The following GLYATL2 variants were observed in gnomAD, a reference collection of about 807,000 sequenced individuals.
GLYATL2 encodes the protein glycine N-acyltransferase-like protein 2.
In GLYATL2, 25 loss-of-function variants were observed where a neutral mutation model predicts 21.4. The observed-to-expected ratio is 1.17, with a 90% CI of 0.85 to 1.63. GLYATL2 has a LOEUF of 1.63. GLYATL2 is among the 40% of genes most tolerant of loss of function. The probability of loss-of-function intolerance (pLI) is 0.00; values close to 1 mark genes in which losing one functional copy is unlikely to be tolerated. For missense variants in GLYATL2, 361 were observed against 343.3 expected, an observed-to-expected ratio of 1.05 and a Z score of -0.41; for synonymous variants, 114 against 118.2, an observed-to-expected ratio of 0.96 and a Z score of 0.23.
intron 1 of GLYATL2, among the ~76,000 whole-genome samples, chr11:58,891,281 A>G (rs773024125): frequency 6.6e-6 from 1 of 152,226 alleles, no homozygotes; most frequent in South Asian, 2.1e-4. Context: ...TGAGAAACAC[A>G]TACTGATCTT....
At chr11:58,862,060 C>CAAA (rs76901271) in intron 1 of GLYATL2, among the ~76,000 whole-genome samples, 101 of 21,880 alleles carry the variant, frequency 4.6e-3, no homozygotes, top group African/African-American at 6.7e-3. Flanking sequence ...AACAAACAAA[C>CAAA]AAAAAAAAAC....
chr11:58,885,498 C>A lies in GLYATL2; in HGVS notation n.60+18658G>T. The A allele has an allele frequency of 2.0e-5, 10 of 506,504 alleles. 1 individual carries two copies. Among genetic ancestry groups the A allele is most frequent in the South Asian group, 1.5e-4 (10 of 68,760 alleles). 31.4% of individuals were successfully genotyped at this position (506,504 alleles called of 1,614,324 possible). On this transcript the variant is annotated intron_variant and non_coding_transcript_variant, in intron 1 of 4. Coordinates refer to the GLYATL2 transcript ENST00000533636. ...TTCAACATGGAGGTGCTGGTGGACT[C>A]CTGGCCCGAGTATCAGATAGTTATT... is the stretch of plus-strand genomic sequence containing the variant.
intron 1 of GLYATL2, among the ~76,000 whole-genome samples, chr11:58,903,422 C>T (rs1447745279): frequency 6.6e-6 from 1 of 152,154 alleles, no homozygotes; most frequent in Non-Finnish European, 1.5e-5. Flanking sequence ...TCTGTAACCA[C>T]AGCACATTGG....
chr11:58,862,605 A>T (rs1423504457), intron 1 of GLYATL2, among the ~76,000 whole-genome samples: 1 of 152,180 alleles, frequency 6.6e-6, no homozygotes, highest in Non-Finnish European at 1.5e-5. Flanking sequence ...GAACTCTATG[A>T]AATTTTCAGT....
upstream of GLYATL2, chr11:58,905,687 A>C: frequency 3.3e-6 from 1 of 301,084 alleles, no homozygotes; most frequent in South Asian, 2.4e-5. Context: ...CTGTGGACCG[A>C]GTGGTTCGGG....
chr11:58,851,305 T>TG (rs1351814642), intron 1 of GLYATL2, among the ~76,000 whole-genome samples: 1 of 152,208 alleles, frequency 6.6e-6, no homozygotes, highest in African/African-American at 2.4e-5. Context: ...ACAGACCCTG[T>TG]GGGGCTGGCC....
In GLYATL2 at chr11:58,893,122, A is replaced by G. The variant is rs1854573770; in HGVS notation, n.60+11034T>C. On this transcript the variant is annotated intron_variant and non_coding_transcript_variant, in intron 1 of 4. Transcript: ENST00000533636. ...AAATGACAACTGGAGGCGAGGGAAG[A>G]ATGAGAGGAGCCTTCCTTACATCAA... The G allele has an allele frequency of 9.9e-6, 4 of 404,308 alleles. No individual in the cohort carries two copies. In the South Asian group the frequency reaches 2.1e-4, roughly 21 times the overall value. The allele number at this position is 404,308 out of a possible 1,614,324, so 25.0% of individuals were successfully genotyped here.
intron 1 of GLYATL2, among the ~76,000 whole-genome samples, chr11:58,876,174 T>C (rs1476617283): frequency 6.6e-6 from 1 of 152,232 alleles, no homozygotes; most frequent in Non-Finnish European, 1.5e-5. Context: ...CATTGGTTAT[T>C]CTAGTTATCC....
At position 58,834,320 on chromosome 11, in the gene GLYATL2, A is replaced by C. The variant is rs1474851672; in HGVS notation, c.*109T>G. ...TTAAGGGTGAGCTTAAGTAATACAC[A>C]GATCCTAGATAATCAGTTGCATTTT... On this transcript the variant is annotated 3_prime_UTR_variant, in exon 6 of 6. Coordinates refer to ENST00000287275, the MANE Select transcript of GLYATL2 (RefSeq NM_145016.4). The C allele has an allele frequency of 2.4e-6, 2 of 845,584 alleles. No homozygotes were observed. Among genetic ancestry groups the C allele is most frequent in the Non-Finnish European group, 1.8e-6 (1 of 557,262 alleles). The allele number at this position is 845,584 out of a possible 1,614,324, so 52.4% of individuals were successfully genotyped here.
intron 1 of GLYATL2, among the ~76,000 whole-genome samples, chr11:58,899,451 G>A (rs138999844): frequency 6.6e-6 from 1 of 152,010 alleles, no homozygotes; most frequent in Non-Finnish European, 1.5e-5. Flanking sequence ...TATAAACTCA[G>A]GTGTAGTATA....
chr11:58,862,502 T>A (rs919075142), intron 1 of GLYATL2, among the ~76,000 whole-genome samples: 1 of 152,180 alleles, frequency 6.6e-6, no homozygotes, highest in African/African-American at 2.4e-5. Context: ...TTTTCTCATT[T>A]TTTTCCTTTT....
Position 58,842,476 on chromosome 11 carries a change from C to CTGTG in GLYATL2, c.-41+1954_-41+1957dup, listed in dbSNP as rs34133004. 8.6e-3 allele frequency among the ~76,000 whole-genome samples: 1,156 copies of CTGTG among 134,820 alleles called. 7 individuals are homozygous for CTGTG. Among genetic ancestry groups the CTGTG allele is most frequent in the East Asian group, 0.02 (90 of 4,578 alleles). The allele number at this position is 134,820 out of a possible 152,430, so 88.4% of individuals were successfully genotyped here. On this transcript the variant is annotated intron_variant, in intron 1 of 5. Transcript: ENST00000287275. Reference sequence around the variant, plus strand: ...AAATTGTCCCAGGATGAGTGAGACTCTGTGTGTGTGTGTGTGTGTGTGTGT... The same window carrying CTGTG: ...AAATTGTCCCAGGATGAGTGAGACTCTGTGTGTGTGTGTGTGTGTGTGTGTGTGT...
intron 1 of GLYATL2, among the ~76,000 whole-genome samples, chr11:58,873,872 T>A (rs1854173295): frequency 6.6e-6 from 1 of 152,230 alleles, no homozygotes; most frequent in South Asian, 2.1e-4. Flanking sequence ...TACCAGCTCC[T>A]CCTTGTACTT....
At chr11:58,875,798 G>A (rs1449483618) in intron 1 of GLYATL2, among the ~76,000 whole-genome samples, 2 of 152,156 alleles carry the variant, frequency 1.3e-5, no homozygotes, top group Admixed American at 6.5e-5. Context: ...GAGTATATTT[G>A]TGGCATTCTC....
At chr11:58,856,642 T>G (rs1853832669) in intron 1 of GLYATL2, among the ~76,000 whole-genome samples, 1 of 152,080 alleles carries the variant, frequency 6.6e-6, no homozygotes, top group Non-Finnish European at 1.5e-5. Context: ...CAGGGAATAG[T>G]GAGGCTAGAG....
chr11:58,840,512 G>A (rs1464918315), intron 1 of GLYATL2, among the ~76,000 whole-genome samples: 1 of 152,050 alleles, frequency 6.6e-6, no homozygotes, highest in African/African-American at 2.4e-5. Flanking sequence ...GTGTTACAAA[G>A]TCAGGAAAAC....
At chr11:58,875,777 C>T (rs1854218508) in intron 1 of GLYATL2, among the ~76,000 whole-genome samples, 1 of 152,098 alleles carries the variant, frequency 6.6e-6, no homozygotes, top group Non-Finnish European at 1.5e-5. Flanking sequence ...ATTGGAGTTG[C>T]TCTTCTCGAG....
intron 1 of GLYATL2, among the ~76,000 whole-genome samples, chr11:58,872,170 G>T (rs566280623): frequency 1.5e-4 from 23 of 152,276 alleles, no homozygotes; most frequent in Admixed American, 3.9e-4. Context: ...GTTCATTGTA[G>T]ATTCTGGATA....
At chr11:58,851,409 G>T (rs1853739345) in intron 1 of GLYATL2, among the ~76,000 whole-genome samples, 1 of 152,140 alleles carries the variant, frequency 6.6e-6, no homozygotes, top group South Asian at 2.1e-4. Context: ...TGCATATTTT[G>T]AACTATCCTT....
Sources: gnomAD v4.1 joint callset for allele counts (sites outside exome capture counted in the v4.1 genomes callset) on GRCh38, gnomAD v4.1.1 for gene constraint, MANE v1.5 for transcripts, NCBI Gene and HGNC (gene_info 2026-07-23, HGNC 2026-07-21) for gene names.